EYS: variants seen among roughly 807,000 people sequenced by gnomAD.
EYS encodes EGF-like photoreceptor maintenance factor.
EYS carries 250 observed loss-of-function variants against 282.1 expected under a neutral mutation model. The ratio of observed to expected loss-of-function variants is 0.89; its 90% CI spans 0.80 to 0.98. The LOEUF (loss-of-function observed/expected upper bound fraction) is 0.98, where lower values mean the gene tolerates loss of function less well. Ranked by LOEUF, EYS falls within the 50% of genes least tolerant of loss-of-function variation. The probability of loss-of-function intolerance (pLI) is 0.00; values close to 1 mark genes in which losing one functional copy is unlikely to be tolerated. For missense variants in EYS, 4,016 were observed against 3,709.0 expected, an observed-to-expected ratio of 1.08 and a Z score of -2.15; for synonymous variants, 1,355 against 1,282.9, an observed-to-expected ratio of 1.06 and a Z score of -1.20.
chr6:63,894,680 C>T (rs1024207798), intron 35 of EYS, among the ~76,000 whole-genome samples: 3 of 151,868 alleles, frequency 2.0e-5, no homozygotes, highest in African/African-American at 7.3e-5. Flanking sequence ...CTCCTGGGTT[C>T]AAGCGATTCC....
At chr6:63,915,155 G>C (rs918849918) in intron 35 of EYS, among the ~76,000 whole-genome samples, 1 of 152,158 alleles carries the variant, frequency 6.6e-6, no homozygotes, top group Middle Eastern at 3.2e-3. Flanking sequence ...AACTTCAAAG[G>C]ACAAGCCAAC....
chr6:63,848,191 G>A (rs919951165), intron 36 of EYS, among the ~76,000 whole-genome samples: 1 of 151,990 alleles, frequency 6.6e-6, no homozygotes. Context: ...TTTACGATGA[G>A]ATTGCTGTAT....
At chr6:65,017,187 A>T (rs905206237) in intron 13 of EYS, among the ~76,000 whole-genome samples, 1 of 152,210 alleles carries the variant, frequency 6.6e-6, no homozygotes, top group Non-Finnish European at 1.5e-5. Flanking sequence ...TCCACTTTCC[A>T]CATAACCTTT....
Position 64,758,411 on chromosome 6 carries a change from T to C in EYS, c.3443+54967A>G, listed in dbSNP as rs886993044. On this transcript the variant is annotated intron_variant, in intron 22 of 42. Transcript: ENST00000503581. ...TTATCACTACTGGGGTACTACTGCT[T>C]GGATAGCCTGGAACTTGGGTGTTTG... is the stretch of plus-strand genomic sequence containing the variant. 2.0e-5 allele frequency among the ~76,000 whole-genome samples: 3 copies of C among 152,138 alleles called. 1 individual carries two copies. Among genetic ancestry groups the C allele is most frequent in the South Asian group, 4.1e-4 (2 of 4,828 alleles).
At chr6:64,281,299 C>T (rs1435875982) in intron 30 of EYS, among the ~76,000 whole-genome samples, 2 of 152,006 alleles carry the variant, frequency 1.3e-5, no homozygotes, top group Non-Finnish European at 2.9e-5. Context: ...TGAGTGACCA[C>T]TTGTATCTTA....
In EYS at chr6:64,043,260, T is replaced by A. The variant is rs116991189; in HGVS notation, c.6725+23078A>T. 3.3e-5 allele frequency among the ~76,000 whole-genome samples: 5 copies of A among 152,260 alleles called. No individual in the cohort carries two copies. The East Asian group carries it at 7.7e-4, about 24-fold the overall frequency. ...GGTAGGTGGGCACTGCTGGCAGGAG[T>A]ATAATTGGTACAGCCTTCATGTACA... On this transcript the variant is annotated intron_variant, in intron 33 of 42. Coordinates refer to ENST00000503581, the MANE Select transcript of EYS (RefSeq NM_001142800.2).
chr6:64,336,626 T>C (rs747315721), intron 29 of EYS, among the ~76,000 whole-genome samples: 23 of 152,084 alleles, frequency 1.5e-4, no homozygotes, highest in Non-Finnish European at 3.2e-4. Context: ...ACAAATGGAC[T>C]TAATAGATAT....
rs141593776 is a variant in EYS at position 64,701,391 on chromosome 6, A to G, written c.3444-75146T>C. On this transcript the variant is annotated intron_variant, in intron 22 of 42. Transcript: ENST00000503581. The stretch of plus-strand genomic sequence containing the variant: ...CTAAAATAATCAACAGGGTCAACAG[A>G]CAACTTGCAGAATGGGAGAAACTAT... Among the ~76,000 whole-genome samples, 81 of 152,256 alleles carry G rather than the reference A, an allele frequency of 5.3e-4. No individual in the cohort carries two copies. In the East Asian group the frequency reaches 0.014, roughly 26 times the overall value.
At chr6:64,495,093 G>A (rs1776850943) in intron 26 of EYS, among the ~76,000 whole-genome samples, 1 of 151,610 alleles carries the variant, frequency 6.6e-6, no homozygotes, top group African/African-American at 2.4e-5. Flanking sequence ...TCTCTCAGTA[G>A]ACTGAATAAA....
intron 22 of EYS, among the ~76,000 whole-genome samples, chr6:64,630,845 CAT>C (rs1255684946): frequency 2.6e-5 from 4 of 152,118 alleles, no homozygotes; most frequent in African/African-American, 9.7e-5. Flanking sequence ...TTTATAACCC[CAT>C]GTTTCACAAA....
intron 2 of EYS, among the ~76,000 whole-genome samples, chr6:65,512,616 G>A (rs150784081): frequency 0.18 from 26,641 of 150,918 alleles, 2,906 homozygotes; most frequent in East Asian, 0.28. Context: ...AATCAAACTA[G>A]AACTCAGGAT....
chr6:64,817,991 C>T lies in EYS; in HGVS notation c.3243+3654G>A, dbSNP rs115782558. Among the ~76,000 whole-genome samples, 296 of 152,182 alleles carry T rather than the reference C, an allele frequency of 1.9e-3. 1 individual carries two copies. Among genetic ancestry groups the T allele is most frequent in the African/African-American group, 6.7e-3 (280 of 41,534 alleles). Reference sequence around the variant, plus strand: ...AATATATTCACTACGAGTTAAAGCACGAATTCTCTTATTTCTACTTCATCT... The same window carrying T: ...AATATATTCACTACGAGTTAAAGCATGAATTCTCTTATTTCTACTTCATCT... On this transcript the variant is annotated intron_variant, in intron 21 of 42. Coordinates refer to ENST00000503581, the MANE Select transcript of EYS (RefSeq NM_001142800.2).
intron 9 of EYS, among the ~76,000 whole-genome samples, chr6:65,352,033 G>C (rs1013009975): frequency 6.6e-6 from 1 of 151,814 alleles, no homozygotes; most frequent in African/African-American, 2.4e-5. Flanking sequence ...GTCTCTGAAA[G>C]TTCCTTTTAG....
At chr6:64,729,380 G>T (rs1472577654) in intron 22 of EYS, among the ~76,000 whole-genome samples, 3 of 152,126 alleles carry the variant, frequency 2.0e-5, no homozygotes, top group African/African-American at 7.2e-5. Context: ...GTGGCTATGT[G>T]ACTTGCTTTT....
intron 41 of EYS, among the ~76,000 whole-genome samples, chr6:63,759,824 T>C (rs1424382344): frequency 6.6e-6 from 1 of 152,076 alleles, no homozygotes; most frequent in Non-Finnish European, 1.5e-5. Flanking sequence ...GACCAATTTC[T>C]CTATTATTAG....
intron 35 of EYS, among the ~76,000 whole-genome samples, chr6:63,959,913 G>T (rs1765982705): frequency 6.6e-6 from 1 of 151,906 alleles, no homozygotes; most frequent in Non-Finnish European, 1.5e-5. Context: ...ATGCATGTGG[G>T]GCTTAAAACC....
chr6:64,255,051 A>G (rs1034776955), intron 30 of EYS, among the ~76,000 whole-genome samples: 2 of 152,132 alleles, frequency 1.3e-5, no homozygotes, highest in Non-Finnish European at 2.9e-5. Flanking sequence ...TATTTTGAGG[A>G]TAAAAGAATA....
intron 2 of EYS, among the ~76,000 whole-genome samples, chr6:65,584,632 C>T (rs973937058): frequency 9.2e-5 from 14 of 151,800 alleles, no homozygotes; most frequent in South Asian, 4.1e-4. Context: ...GAAAATACTA[C>T]GCTAAGGCTA....
intron 37 of EYS, among the ~76,000 whole-genome samples, chr6:63,795,187 A>G (rs1770613853): frequency 6.6e-6 from 1 of 152,224 alleles, no homozygotes; most frequent in Non-Finnish European, 1.5e-5. Context: ...GCTTAGCATT[A>G]TAACAGCAAC....
Sources: gnomAD v4.1 joint callset for allele counts (sites outside exome capture counted in the v4.1 genomes callset) on GRCh38, gnomAD v4.1.1 for gene constraint, MANE v1.5 for transcripts, NCBI Gene and HGNC (gene_info 2026-07-23, HGNC 2026-07-21) for gene names.